Variants in SLC6A2 observed in about 807,000 individuals in gnomAD.
SLC6A2 encodes the protein solute carrier family 6 member 2, also known as sodium-dependent noradrenaline transporter.
Under a neutral mutation model 71.7 loss-of-function variants are expected in SLC6A2, and 26 were observed. That is an observed-to-expected ratio of 0.36 (90% CI 0.27 to 0.50). The LOEUF (loss-of-function observed/expected upper bound fraction) is 0.50. SLC6A2 is among the 20% of genes least tolerant of loss of function. SLC6A2 has a pLI of 0.96. For synonymous variants in SLC6A2, 363 were observed against 337.9 expected, an observed-to-expected ratio of 1.07 and a Z score of -0.82; for missense variants, 581 against 803.9, an observed-to-expected ratio of 0.72 and a Z score of 3.35.
At chr16:55,702,075 C>G in intron 14 of SLC6A2, 141 bp downstream of exon 14, 1 of 796,758 alleles carries the variant, frequency 1.3e-6, no homozygotes, top group South Asian at 1.5e-5. Context: ...TTGGAAACAT[C>G]GGGATGGGGG....
At chr16:55,661,852 C>T (rs1488510534) in intron 2 of SLC6A2, among the ~76,000 whole-genome samples, 2 of 152,186 alleles carry the variant, frequency 1.3e-5, no homozygotes, top group South Asian at 2.1e-4. Flanking sequence ...TCTTAGGGAC[C>T]CCCAGCCCTT....
rs187346092 is a variant in SLC6A2, at chr16:55,664,181, T to G, written c.275-5384T>G. Among the ~76,000 whole-genome samples, 6 of 152,268 alleles carry G rather than the reference T, an allele frequency of 3.9e-5. No homozygotes were observed. In the East Asian group the frequency reaches 1.2e-3, roughly 30 times the overall value. On this transcript the variant is annotated intron_variant, in intron 2 of 14. Coordinates refer to ENST00000568943, the MANE Select transcript of SLC6A2 (RefSeq NM_001172501.3). The stretch of plus-strand genomic sequence containing the variant: ...GCTTCAGAACTCTTCTAGGGTCAGC[T>G]AAGGTTTGGCCTGGCGTATCCTGTC...
chr16:55,656,920 C>T lies in SLC6A2; in HGVS notation c.226C>T (p.Leu76=), dbSNP rs770416018. The change falls in exon 2 of 15, where the codon CTG becomes TTG. Residue 76 remains leucine (L), a synonymous_variant. Transcript: ENST00000568943. The surrounding 1 kb of genome is among the most constrained non-coding windows in gnomAD (Gnocchi z 4.5). The stretch of plus-strand genomic sequence containing the variant: ...GTCCGTAGTCGGCTTCGCAGTGGAC[C>T]TGGCCAACGTGTGGCGCTTCCCCTA... ...LLSVVGFAVD[L]ANVWRFPYLC... 4 of 1,613,890 alleles carry T rather than the reference C, an allele frequency of 2.5e-6. No individual in the cohort carries two copies. In the African/African-American group the frequency reaches 5.3e-5, roughly 22 times the overall value.
chr16:55,679,171 A>G (rs1965189153), intron 4 of SLC6A2, among the ~76,000 whole-genome samples: 1 of 152,212 alleles, frequency 6.6e-6, no homozygotes, highest in African/African-American at 2.4e-5. Context: ...AGGCACAGGA[A>G]GAAGCGGAAT....
intron 9 of SLC6A2, among the ~76,000 whole-genome samples, chr16:55,696,602 C>T (rs1256841800): frequency 2.0e-5 from 3 of 152,214 alleles, no homozygotes; most frequent in Non-Finnish European, 2.9e-5. Flanking sequence ...CCCACACTGT[C>T]CTCTTGCAGG....
At position 55,705,315 on chromosome 16, in the gene SLC6A2, C is replaced by T. The variant is rs1190585424; in HGVS notation, c.*2969C>T. ...TGCCTTAATTCTCAAAAGGAGTTAC[C>T]GCTCAGCTGGGAGCCAGTTCCTGCT... On this transcript the variant is annotated 3_prime_UTR_variant, in exon 15 of 15. Transcript: ENST00000568943. 2.7e-5 allele frequency: 38 copies of T among 1,428,690 alleles called. No homozygotes were observed. In the East Asian group the frequency reaches 5.0e-4, roughly 19 times the overall value. 88.5% of individuals were successfully genotyped at this position (1,428,690 alleles called of 1,614,324 possible). A position where few individuals can be genotyped will look rare whatever the true frequency, so the allele number is the denominator to read the frequency against.
intron 5 of SLC6A2, among the ~76,000 whole-genome samples, chr16:55,686,662 G>C (rs920749486): frequency 6.6e-6 from 1 of 152,164 alleles, no homozygotes; most frequent in African/African-American, 2.4e-5. Context: ...GCCATTGAGA[G>C]CAAAGAAAGT....
chr16:55,656,656 C>G lies in SLC6A2; in HGVS notation c.-39C>G, dbSNP rs761522601. On this transcript the variant is annotated 5_prime_UTR_variant, in exon 2 of 15. Transcript: ENST00000568943. The surrounding 1 kb of genome is among the most constrained non-coding windows in gnomAD (Gnocchi z 4.5). ...TTTATCCAAGCAGAGCCTCGGCGTG[C>G]CCCCAGGACCGGTAAAGTTCCTCTC... The G allele has an allele frequency of 6.2e-7, 1 of 1,610,094 alleles. No individual in the cohort carries two copies. The highest frequency in any genetic ancestry group is 1.7e-5 in the Admixed American group (1 of 60,016).
intron 11 of SLC6A2, among the ~76,000 whole-genome samples, chr16:55,698,998 G>A (rs1965886359): frequency 1.3e-5 from 2 of 152,122 alleles, no homozygotes; most frequent in Non-Finnish European, 2.9e-5. Context: ...ACTTAACTGG[G>A]TATCTTGTAT....
chr16:55,686,662 G>A (rs920749486), intron 5 of SLC6A2, among the ~76,000 whole-genome samples: 1 of 152,164 alleles, frequency 6.6e-6, no homozygotes, highest in Non-Finnish European at 1.5e-5. Context: ...GCCATTGAGA[G>A]CAAAGAAAGT....
chr16:55,703,390 G>T lies in SLC6A2; in HGVS notation c.*1044G>T, dbSNP rs951471229. Reference sequence around the variant, plus strand: ...GGATCCCACCTGGAGTGGACCAGGGGTCTTGAGAAATGGAGAGTTGGCTGC... The same window carrying T: ...GGATCCCACCTGGAGTGGACCAGGGTTCTTGAGAAATGGAGAGTTGGCTGC... On this transcript the variant is annotated 3_prime_UTR_variant, in exon 15 of 15. Coordinates refer to ENST00000568943, the MANE Select transcript of SLC6A2 (RefSeq NM_001172501.3). 2 of 985,270 alleles carry T rather than the reference G, an allele frequency of 2.0e-6. No individual in the cohort carries two copies. Among genetic ancestry groups the T allele is most frequent in the Non-Finnish European group, 1.2e-6 (1 of 829,948 alleles). The allele number at this position is 985,270 out of a possible 1,614,324, so 61.0% of individuals were successfully genotyped here.
At chr16:55,682,839 G>A (rs936946120) in intron 4 of SLC6A2, among the ~76,000 whole-genome samples, 8 of 152,290 alleles carry the variant, frequency 5.3e-5, no homozygotes, top group African/African-American at 1.4e-4. Context: ...GTGGGATCTC[G>A]TTTTGGGGGC....
intron 2 of SLC6A2, among the ~76,000 whole-genome samples, chr16:55,660,259 G>A (rs1964574589): frequency 6.6e-6 from 1 of 152,192 alleles, no homozygotes; most frequent in Non-Finnish European, 1.5e-5. Flanking sequence ...GAGAGATAAG[G>A]GTGCAGGGGC....
intron 14 of SLC6A2, 148 bp downstream of exon 14, chr16:55,702,082 G>C (rs1965988441): frequency 2.5e-6 from 2 of 790,100 alleles, no homozygotes. Context: ...CATCGGGATG[G>C]GGGACAGGGA....
chr16:55,659,146 G>A (rs1232560314), intron 2 of SLC6A2, among the ~76,000 whole-genome samples: 3 of 152,080 alleles, frequency 2.0e-5, no homozygotes, highest in East Asian at 1.9e-4. Flanking sequence ...GCTCTGCAGG[G>A]GTCACGGTCA....
intron 4 of SLC6A2, among the ~76,000 whole-genome samples, chr16:55,672,998 A>G (rs1282079179): frequency 6.6e-6 from 1 of 152,214 alleles, no homozygotes; most frequent in African/African-American, 2.4e-5. Flanking sequence ...ATTAACATTG[A>G]TACACTGTTA....
Position 55,704,421 on chromosome 16 carries a change from C to G in SLC6A2, c.*2075C>G, listed in dbSNP as rs1966058661. On this transcript the variant is annotated 3_prime_UTR_variant, in exon 15 of 15. Coordinates refer to ENST00000568943, the MANE Select transcript of SLC6A2 (RefSeq NM_001172501.3). ...ATTCCCTGCACAATAGGGTTCACCC[C>G]ACCCAGGACTGTCATTTTTAAAAAA... 6.6e-6 allele frequency: 1 copy of G among 152,164 alleles called. No individual in the cohort carries two copies. The highest frequency in any genetic ancestry group is 2.4e-5 in the African/African-American group (1 of 41,436). 9.4% of individuals were successfully genotyped at this position (152,164 alleles called of 1,614,324 possible). A position where few individuals can be genotyped will look rare whatever the true frequency, so the allele number is the denominator to read the frequency against.
At chr16:55,675,507 A>C (rs1480995618) in intron 4 of SLC6A2, among the ~76,000 whole-genome samples, 1 of 152,186 alleles carries the variant, frequency 6.6e-6, no homozygotes, top group Non-Finnish European at 1.5e-5. Flanking sequence ...GTCGTACCTA[A>C]ACAGTCCATA....
intron 3 of SLC6A2, 194 bp from the exon 4 acceptor site, chr16:55,671,744 C>A: frequency 1.6e-6 from 2 of 1,226,986 alleles, no homozygotes; most frequent in East Asian, 2.6e-5. Flanking sequence ...CTTGAAACTA[C>A]CCCCACCCCA....
Sources: allele counts gnomAD v4.1 joint callset (sites outside exome capture counted in the v4.1 genomes callset), GRCh38; gene constraint gnomAD v4.1.1; non-coding constraint Gnocchi (gnomAD v3.1); transcripts MANE v1.5; gene names NCBI Gene and HGNC (gene_info 2026-07-23, HGNC 2026-07-21).